MBNL3: variants seen among roughly 807,000 people sequenced by gnomAD.
MBNL3 encodes the protein muscleblind like splicing regulator 3.
MBNL3 carries 6 observed loss-of-function variants against 24.5 expected under a neutral mutation model. The observed-to-expected ratio is 0.25, with a 90% CI of 0.13 to 0.48. The LOEUF (loss-of-function observed/expected upper bound fraction) is 0.48, where lower values mean the gene tolerates loss of function less well. MBNL3 is among the 20% of genes least tolerant of loss of function. MBNL3 has a pLI of 0.99. For synonymous variants in MBNL3, 100 were observed against 101.7 expected, an observed-to-expected ratio of 0.98 and a Z score of 0.10; for missense variants, 230 against 293.5, an observed-to-expected ratio of 0.78 and a Z score of 1.58.
intron 2 of MBNL3, among the ~76,000 whole-genome samples, chrX:132,424,602 T>A (rs1160400571): frequency 8.9e-6 from 1 of 111,906 alleles, no homozygotes; most frequent in East Asian, 2.8e-4. Context: ...AATCCCACTC[T>A]TCTATATTAC....
chrX:132,374,952 T>C lies in MBNL3; in HGVS notation c.*4714A>G, dbSNP rs1025727167. On this transcript the variant is annotated 3_prime_UTR_variant, in exon 9 of 9. Coordinates refer to ENST00000370853, the MANE Select transcript of MBNL3 (RefSeq NM_001386889.1). The stretch of plus-strand genomic sequence containing the variant: ...TATTAAAAATGCAATGATTGCGTTT[T>C]GAAGTCTAAATACTGTGGAATAACC... 2 of 111,999 alleles carry C rather than the reference T, an allele frequency of 1.8e-5. No individual in the cohort carries two copies. The highest frequency in any genetic ancestry group is 6.5e-5 in the African/African-American group (2 of 30,916). The allele number at this position is 111,999 out of a possible 1,213,427, so 9.2% of individuals were successfully genotyped here.
chrX:132,378,193 A>G lies in MBNL3; in HGVS notation c.*1473T>C, dbSNP rs1341993067. On this transcript the variant is annotated 3_prime_UTR_variant, in exon 9 of 9. Coordinates refer to ENST00000370853, the MANE Select transcript of MBNL3 (RefSeq NM_001386889.1). ...GATGTTAAAGTTTGGGCAGGGGGAC[A>G]CTTGCCATATATCACAGGTGCTTTC... 2 of 111,655 alleles carry G rather than the reference A, an allele frequency of 1.8e-5. No homozygotes were observed. The highest frequency in any genetic ancestry group is 3.8e-5 in the Non-Finnish European group (2 of 53,089). 9.2% of individuals were successfully genotyped at this position (111,655 alleles called of 1,213,427 possible). A position where few individuals can be genotyped will look rare whatever the true frequency, so the allele number is the denominator to read the frequency against.
intron 2 of MBNL3, among the ~76,000 whole-genome samples, chrX:132,436,000 A>C (rs1230311550): frequency 1.8e-5 from 2 of 112,471 alleles, no homozygotes; most frequent in African/African-American, 6.5e-5. Flanking sequence ...CTATGAAAAC[A>C]ATCACAAAGA....
intron 2 of MBNL3, among the ~76,000 whole-genome samples, chrX:132,407,209 TATA>T (rs1239846492): frequency 8.9e-6 from 1 of 112,370 alleles, no homozygotes; most frequent in African/African-American, 3.2e-5. Context: ...AAAATATTCC[TATA>T]ATTTCACTGA....
chrX:132,459,844 G>A (rs1157462411), intron 1 of MBNL3, among the ~76,000 whole-genome samples: 1 of 112,006 alleles, frequency 8.9e-6, no homozygotes, highest in African/African-American at 3.2e-5. Flanking sequence ...CAAATGCTTG[G>A]TGTGAGGTAG....
chrX:132,471,801 A>AG (rs200836695), intron 1 of MBNL3, among the ~76,000 whole-genome samples: 6,142 of 112,861 alleles, frequency 0.054, 147 homozygotes, highest in Middle Eastern at 0.096. Context: ...TACATGCTGC[A>AG]GGGGGGAAGG....
rs184738926 is a variant in MBNL3 at position 132,405,627 on chromosome X, G to A, written c.342+601C>T. ...GGCCGGGCTCACGCCTGTAATTCCA[G>A]CACTTTGGGAGGCCGAGACAGGTGG... On this transcript the variant is annotated intron_variant, in intron 3 of 8. Coordinates refer to ENST00000370853, the MANE Select transcript of MBNL3 (RefSeq NM_001386889.1). Among the ~76,000 whole-genome samples, 60 of 111,245 alleles carry A rather than the reference G, an allele frequency of 5.4e-4. No homozygotes were observed. In the East Asian group the frequency reaches 0.016, roughly 30 times the overall value.
At chrX:132,395,407 A>G (rs1221590856) in intron 3 of MBNL3, among the ~76,000 whole-genome samples, 2 of 112,034 alleles carry the variant, frequency 1.8e-5, no homozygotes, top group African/African-American at 6.5e-5. Context: ...ATTTATCTTT[A>G]CAGCCTGAAA....
chrX:132,478,440 T>TTATCA, intron 1 of MBNL3, among the ~76,000 whole-genome samples: 1 of 111,972 alleles, frequency 8.9e-6, no homozygotes, highest in East Asian at 2.8e-4. Flanking sequence ...ACTAGGTATG[T>TTATCA]TATCATGAAA....
Position 132,391,100 on chromosome X carries a change from G to A in MBNL3, c.535-17C>T, listed in dbSNP as rs1174918684. 3 of 1,143,436 alleles carry A rather than the reference G, an allele frequency of 2.6e-6. No individual in the cohort carries two copies. The African/African-American group carries it at 5.4e-5, about 20-fold the overall frequency. 94.2% of individuals were successfully genotyped at this position (1,143,436 alleles called of 1,213,427 possible). ...TCGGCAAACCTTAGAACACACACAT[G>A]CACATACACACGCATCACACTGATG... On this transcript the variant is annotated splice_polypyrimidine_tract_variant and intron_variant, in intron 4 of 8. Coordinates refer to ENST00000370853, the MANE Select transcript of MBNL3 (RefSeq NM_001386889.1).
chrX:132,438,503 T>C (rs1945235160), intron 2 of MBNL3, among the ~76,000 whole-genome samples: 1 of 110,709 alleles, frequency 9.0e-6, no homozygotes, highest in Non-Finnish European at 1.9e-5. Flanking sequence ...ACTGAAAAAG[T>C]TCTTGTTAAG....
intron 1 of MBNL3, among the ~76,000 whole-genome samples, chrX:132,478,354 T>C (rs1170172411): frequency 2.7e-5 from 3 of 111,956 alleles, no homozygotes; most frequent in South Asian, 3.7e-4. Context: ...TTAAATCTTA[T>C]AGCACATCTA....
At chrX:132,478,359 C>A (rs991450934) in intron 1 of MBNL3, among the ~76,000 whole-genome samples, 11 of 111,797 alleles carry the variant, frequency 9.8e-5, no homozygotes, top group East Asian at 2.8e-4. Flanking sequence ...TCTTATAGCA[C>A]ATCTATAGCA....
chrX:132,467,951 T>C (rs1402110758), intron 1 of MBNL3, among the ~76,000 whole-genome samples: 1 of 112,111 alleles, frequency 8.9e-6, no homozygotes, highest in Non-Finnish European at 1.9e-5. Context: ...TTTGTATGTG[T>C]CAATTTTTGA....
rs192090348 is a variant in MBNL3, at chrX:132,439,756, T to A, written c.-145A>T. ...TGTCTATTTGTTAACACTTAGGTTT[T>A]CATTAAAGTCAAATCTGGTCTAGTC... On this transcript the variant is annotated 5_prime_UTR_variant, in exon 2 of 9. An upstream open reading frame in the 5' UTR gains an earlier in-frame stop. Transcript: ENST00000370853. 1 of 871,309 alleles carries A rather than the reference T, an allele frequency of 1.1e-6. No homozygotes were observed. The highest frequency in any genetic ancestry group is 2.1e-5 in the African/African-American group (1 of 47,746). 71.8% of individuals were successfully genotyped at this position (871,309 alleles called of 1,213,427 possible).
At chrX:132,453,467 T>G (rs1946213305) in intron 1 of MBNL3, among the ~76,000 whole-genome samples, 1 of 111,611 alleles carries the variant, frequency 9.0e-6, no homozygotes, top group African/African-American at 3.3e-5. Flanking sequence ...CCGGCCAACA[T>G]AAAAAGGTTG....
chrX:132,465,713 A>G (rs943534905), intron 1 of MBNL3, among the ~76,000 whole-genome samples: 1 of 112,301 alleles, frequency 8.9e-6, no homozygotes, highest in African/African-American at 3.2e-5. Context: ...GTGTACATGT[A>G]AACATTCAAT....
chrX:132,463,176 T>C (rs888522705), intron 1 of MBNL3, among the ~76,000 whole-genome samples: 1 of 112,677 alleles, frequency 8.9e-6, no homozygotes, highest in Non-Finnish European at 1.9e-5. Flanking sequence ...AATATTTATA[T>C]TGAGGCGGGG....
intron 1 of MBNL3, among the ~76,000 whole-genome samples, chrX:132,441,838 T>A (rs1945404468): frequency 8.9e-6 from 1 of 111,753 alleles, no homozygotes; most frequent in African/African-American, 3.3e-5. Flanking sequence ...AAAGTGGAAA[T>A]AACCTAAGTG....
Sources: allele counts gnomAD v4.1 joint callset (sites outside exome capture counted in the v4.1 genomes callset), GRCh38; gene constraint gnomAD v4.1.1; transcripts MANE v1.5; gene names NCBI Gene and HGNC (gene_info 2026-07-23, HGNC 2026-07-21).